IKZF1: variants seen among roughly 807,000 people sequenced by gnomAD.
IKZF1 encodes IKAROS family zinc finger 1.
Under a neutral mutation model 51.7 loss-of-function variants are expected in IKZF1, and 10 were observed. The observed-to-expected ratio is 0.19, with a 90% confidence interval of 0.12 to 0.33. IKZF1 has a LOEUF of 0.33. Among genes scored for constraint, IKZF1 ranks in the 10% least tolerant of loss-of-function variants. The probability of loss-of-function intolerance (pLI) is 1.00; values close to 1 mark genes in which losing one functional copy is unlikely to be tolerated. For synonymous variants in IKZF1, 280 were observed against 282.3 expected, an observed-to-expected ratio of 0.99 and a Z score of 0.08; for missense variants, 484 against 707.5, an observed-to-expected ratio of 0.68 and a Z score of 3.58.
intron 1 of IKZF1, among the ~76,000 whole-genome samples, chr7:50,316,952 T>G (rs1278304276): frequency 6.6e-6 from 1 of 152,212 alleles, no homozygotes; most frequent in Non-Finnish European, 1.5e-5. Flanking sequence ...ATGATGATGG[T>G]GGTGTGTATT....
At chr7:50,355,295 G>A (rs565269208) in intron 3 of IKZF1, among the ~76,000 whole-genome samples, 48 of 152,318 alleles carry the variant, frequency 3.2e-4, no homozygotes, top group African/African-American at 1.0e-3. Context: ...GGGTGCACTC[G>A]GATGATCCTG....
Position 50,403,698 on chromosome 7 carries a change from C to T in IKZF1, c.*3071C>T, listed in dbSNP as rs1203087008. 4.4e-6 allele frequency: 1 copy of T among 229,142 alleles called. No homozygotes were observed. Among genetic ancestry groups the T allele is most frequent in the African/African-American group, 2.2e-5 (1 of 45,074 alleles). 14.2% of individuals were successfully genotyped at this position (229,142 alleles called of 1,614,324 possible). A position where few individuals can be genotyped will look rare whatever the true frequency, so the allele number is the denominator to read the frequency against. ...TAGCACCAATTGCTTCACATACCAG[C>T]ATGTTCCATTTCCAATTTAGAATTA... is the stretch of plus-strand genomic sequence containing the variant. On this transcript the variant is annotated 3_prime_UTR_variant, in exon 8 of 8. Coordinates refer to ENST00000331340, the MANE Select transcript of IKZF1 (RefSeq NM_006060.6).
At chr7:50,396,061 C>A (rs776228379) in intron 7 of IKZF1, among the ~76,000 whole-genome samples, 1 of 152,062 alleles carries the variant, frequency 6.6e-6, no homozygotes, top group Non-Finnish European at 1.5e-5. Context: ...TCTATTCATT[C>A]GGAATAAAAA....
At chr7:50,368,099 C>T in intron 3 of IKZF1, 2 of 703,486 alleles carry the variant, frequency 2.8e-6, no homozygotes, top group Non-Finnish European at 2.6e-6. Flanking sequence ...AAAACAAAAG[C>T]ATGCCTTCAT....
chr7:50,390,484 G>A (rs1814750664), intron 6 of IKZF1, among the ~76,000 whole-genome samples: 1 of 152,188 alleles, frequency 6.6e-6, no homozygotes, highest in South Asian at 2.1e-4. Context: ...TAGCCAATTT[G>A]AAATATATGT....
chr7:50,348,894 T>C (rs1453283166), intron 3 of IKZF1, among the ~76,000 whole-genome samples: 1 of 152,210 alleles, frequency 6.6e-6, no homozygotes, highest in Non-Finnish European at 1.5e-5. Context: ...TTGGTCCTTG[T>C]CATGGGCAGG....
At chr7:50,396,940 C>A (rs1816865895) in intron 7 of IKZF1, among the ~76,000 whole-genome samples, 1 of 152,236 alleles carries the variant, frequency 6.6e-6, no homozygotes, top group African/African-American at 2.4e-5. Flanking sequence ...CCACAGAGGA[C>A]TTTGCTTCTG....
chr7:50,335,022 T>C (rs1308960164), intron 3 of IKZF1, among the ~76,000 whole-genome samples: 1 of 149,418 alleles, frequency 6.7e-6, no homozygotes, highest in Non-Finnish European at 1.5e-5. Flanking sequence ...TATGTGTGTA[T>C]TGGATGTGTG....
intron 1 of IKZF1, among the ~76,000 whole-genome samples, chr7:50,317,591 C>T (rs1240641063): frequency 6.6e-6 from 1 of 152,110 alleles, no homozygotes; most frequent in Non-Finnish European, 1.5e-5. Context: ...TGTACAGTGG[C>T]CACTAGCTGT....
intron 3 of IKZF1, among the ~76,000 whole-genome samples, chr7:50,329,934 C>T (rs1468647018): frequency 1.3e-5 from 2 of 152,232 alleles, no homozygotes; most frequent in African/African-American, 2.4e-5. Flanking sequence ...AGGCCGATTC[C>T]TGGAGAGTGA....
At chr7:50,375,484 C>T (rs1317502741) in intron 3 of IKZF1, among the ~76,000 whole-genome samples, 1 of 152,120 alleles carries the variant, frequency 6.6e-6, no homozygotes, top group Non-Finnish European at 1.5e-5. Flanking sequence ...AAAATGGTGG[C>T]TTTCAGTGTA....
intron 7 of IKZF1, among the ~76,000 whole-genome samples, chr7:50,398,706 T>C (rs1056065752): frequency 1.3e-5 from 2 of 152,198 alleles, no homozygotes; most frequent in Non-Finnish European, 2.9e-5. Flanking sequence ...AGTCCAGATG[T>C]GTTGAAGGAT....
At chr7:50,310,198 C>T (rs906777317) in intron 1 of IKZF1, among the ~76,000 whole-genome samples, 4 of 152,046 alleles carry the variant, frequency 2.6e-5, no homozygotes, top group Admixed American at 6.5e-5. Context: ...GAGTGTTTTC[C>T]CGCTTTAGTA....
At chr7:50,389,379 GT>G (rs113531202) in intron 6 of IKZF1, among the ~76,000 whole-genome samples, 11,074 of 152,254 alleles carry the variant, frequency 0.073, 535 homozygotes, top group South Asian at 0.094. Flanking sequence ...TGCCAGTAAT[GT>G]GTATTAAATA....
intron 5 of IKZF1, among the ~76,000 whole-genome samples, chr7:50,383,071 G>A (rs751300150): frequency 6.6e-6 from 1 of 152,186 alleles, no homozygotes; most frequent in Admixed American, 6.5e-5. Flanking sequence ...GACCCAAAAC[G>A]TTTTCAAGTA....
At chr7:50,308,836 A>G (rs2153327151) in intron 1 of IKZF1, 1 of 152,428 alleles carries the variant, frequency 6.6e-6, no homozygotes, top group South Asian at 2.1e-4. Flanking sequence ...GAGCAGCCCT[A>G]GGTCCTCAAA....
At chr7:50,353,253 GC>G (rs1215786127) in intron 3 of IKZF1, among the ~76,000 whole-genome samples, 1 of 152,152 alleles carries the variant, frequency 6.6e-6, no homozygotes, top group Non-Finnish European at 1.5e-5. Context: ...AGCTTCCAGG[GC>G]ACTTGCATTT....
chr7:50,402,610 G>T lies in IKZF1; in HGVS notation c.*1983G>T. On this transcript the variant is annotated 3_prime_UTR_variant, in exon 8 of 8. Coordinates refer to ENST00000331340, the MANE Select transcript of IKZF1 (RefSeq NM_006060.6). ...ATATTCCCAATATTCCCGGTCAGCA[G>T]TATCAAGGCTGACTTGTGTTCATGT... is the stretch of plus-strand genomic sequence containing the variant. 1 of 232,052 alleles carries T rather than the reference G, an allele frequency of 4.3e-6. No homozygotes were observed. Among genetic ancestry groups the T allele is most frequent in the Non-Finnish European group, 8.5e-6 (1 of 117,202 alleles). The allele number at this position is 232,052 out of a possible 1,614,324, so 14.4% of individuals were successfully genotyped here.
chr7:50,382,886 C>A (rs1562875465), intron 5 of IKZF1, among the ~76,000 whole-genome samples, 179 bp downstream of exon 5: 2 of 151,978 alleles, frequency 1.3e-5, no homozygotes, highest in African/African-American at 2.4e-5. Flanking sequence ...TCCCCATATT[C>A]TCCTTTTCCC....
Sources: gnomAD v4.1 joint callset for allele counts (sites outside exome capture counted in the v4.1 genomes callset) on GRCh38, gnomAD v4.1.1 for gene constraint, MANE v1.5 for transcripts, NCBI Gene and HGNC (gene_info 2026-07-23, HGNC 2026-07-21) for gene names.